CHGA: variants seen among roughly 807,000 people sequenced by gnomAD.
CHGA encodes chromogranin A.
Under a neutral mutation model 54.4 loss-of-function variants are expected in CHGA, and 41 were observed. The observed-to-expected ratio is 0.75, with a 90% CI of 0.59 to 0.98. The LOEUF is 0.98. Ranked by LOEUF, CHGA falls within the 50% of genes least tolerant of loss-of-function variation. The pLI is 0.00. For synonymous variants in CHGA, 249 were observed against 232.8 expected (o/e 1.07, Z -0.63); for missense variants, 576 against 582.3 (o/e 0.99, Z 0.11).
chr14:92,924,064 C>T (rs555793750), intron 1 of CHGA, 135 bp from the exon 2 acceptor site: 2 of 995,492 alleles, frequency 2.0e-6, no homozygotes, highest in East Asian at 2.7e-5. Context: ...ACAAAATCAG[C>T]CCTAGCCTCT....
chr14:92,934,111 A>G (rs1481280417), intron 7 of CHGA, among the ~76,000 whole-genome samples: 1 of 152,198 alleles, frequency 6.6e-6, no homozygotes, highest in Non-Finnish European at 1.5e-5. Context: ...GACCCCTCCC[A>G]GGTCAAAGGA....
In CHGA at chr14:92,932,302, A is replaced by C. The variant is rs1157928321; in HGVS notation, c.809-68A>C. On this transcript the variant is annotated intron_variant, in intron 6 of 7. Coordinates refer to ENST00000216492, the MANE Select transcript of CHGA (RefSeq NM_001275.4). The surrounding 1 kb of genome is among the most constrained non-coding windows in gnomAD (Gnocchi z 5.3). ...GTGGCCGCAGCAGAGGCCCCCAGGG[A>C]GTGGCAGAGACTGGGAAAATGGTGG... 4 of 1,491,548 alleles carry C rather than the reference A, an allele frequency of 2.7e-6. No individual in the cohort carries two copies. Among genetic ancestry groups the C allele is most frequent in the Non-Finnish European group, 2.7e-6 (3 of 1,117,758 alleles). 92.4% of individuals were successfully genotyped at this position (1,491,548 alleles called of 1,614,324 possible).
In CHGA at chr14:92,923,251, C is replaced by T; in HGVS notation, c.-109C>T. Reference sequence around the variant, plus strand: ...ACGCCGAGGCACTGCGCCCCCAGCCCCGCGCCGGTGCCACCGCAGCCCGAC... The same window carrying T: ...ACGCCGAGGCACTGCGCCCCCAGCCTCGCGCCGGTGCCACCGCAGCCCGAC... On this transcript the variant is annotated 5_prime_UTR_variant, in exon 1 of 8. Transcript: ENST00000216492. 3 of 1,051,732 alleles carry T rather than the reference C, an allele frequency of 2.9e-6. No homozygotes were observed. The highest frequency in any genetic ancestry group is 3.6e-6 in the Non-Finnish European group (3 of 827,856). The allele number at this position is 1,051,732 out of a possible 1,614,324, so 65.1% of individuals were successfully genotyped here. A position where few individuals can be genotyped will look rare whatever the true frequency, so the allele number is the denominator to read the frequency against.
At chr14:92,934,012 T>C (rs1405500528) in intron 7 of CHGA, among the ~76,000 whole-genome samples, 2 of 152,038 alleles carry the variant, frequency 1.3e-5, no homozygotes, top group Non-Finnish European at 2.9e-5. Context: ...TAAGGGGCTG[T>C]AGAGTCTATT....
At chr14:92,928,653 TTAAA>T (rs1174152618) in intron 4 of CHGA, among the ~76,000 whole-genome samples, 4 of 152,226 alleles carry the variant, frequency 2.6e-5, no homozygotes, top group Admixed American at 6.5e-5. Flanking sequence ...CTGATTACAT[TTAAA>T]TAATTAAATA....
intron 7 of CHGA, chr14:92,933,093 C>T (rs1307518817): frequency 6.0e-6 from 3 of 499,346 alleles, no homozygotes; most frequent in South Asian, 5.1e-5. Context: ...GCGGGGGAGG[C>T]GCTGAGTGGG....
intron 3 of CHGA, among the ~76,000 whole-genome samples, chr14:92,926,977 G>A (rs1238210939): frequency 6.6e-6 from 1 of 152,224 alleles, no homozygotes; most frequent in Non-Finnish European, 1.5e-5. Flanking sequence ...CCCAGACTGT[G>A]AGCTCCCTAT....
chr14:92,934,807 G>A lies in CHGA; in HGVS notation c.1297G>A (p.Glu433Lys), dbSNP rs1421367823. 3 of 1,581,806 alleles carry A rather than the reference G, an allele frequency of 1.9e-6. No homozygotes were observed. Among genetic ancestry groups the A allele is most frequent in the South Asian group, 1.2e-5 (1 of 85,546 alleles). ...ACCCCAATGTCTCTCCTAGGACCAG[G>A]AGCTGGAGAGCCTGTCGGCCATTGA... ...GSANRRPEDQ[E>K]LESLSAIEAE... is the part of the protein sequence containing the mutation. The change falls in exon 8 of 8, where the codon GAG (glutamate) becomes AAG (lysine). Residue 433 changes from glutamate to lysine, a missense_variant. Coordinates refer to ENST00000216492, the MANE Select transcript of CHGA (RefSeq NM_001275.4).
chr14:92,926,288 T>A, intron 2 of CHGA: 1 of 345,544 alleles, frequency 2.9e-6, no homozygotes, highest in Admixed American at 4.0e-5. Context: ...TTTAGAGAAA[T>A]AGCACTTGGG....
Position 92,931,578 on chromosome 14 carries a change from A to AGAG in CHGA, c.707_709dup (p.Glu236dup), listed in dbSNP as rs371215355. 3,019 of 1,610,650 alleles carry AGAG rather than the reference A, an allele frequency of 1.9e-3. 31 individuals are homozygous for AGAG. In the African/African-American group the frequency reaches 0.028, roughly 15 times the overall value. On this transcript the variant is annotated inframe_insertion, in exon 6 of 8. Coordinates refer to ENST00000216492, the MANE Select transcript of CHGA (RefSeq NM_001275.4). ...AGCCAGGGTGGCAGGCAAAGAGAGAAGAGGAGGAGGAGGAGGAGGAGGAGG... is the reference window on the plus strand; with the variant it reads ...AGCCAGGGTGGCAGGCAAAGAGAGAAGAGGAGGAGGAGGAGGAGGAGGAGGAGG...
chr14:92,928,557 T>C (rs1055233407), intron 4 of CHGA, among the ~76,000 whole-genome samples: 1 of 152,196 alleles, frequency 6.6e-6, no homozygotes, highest in Non-Finnish European at 1.5e-5. Flanking sequence ...TCAGTGACCT[T>C]GGACTAGTGT....
At chr14:92,930,135 G>T (rs1160246534) in intron 5 of CHGA, among the ~76,000 whole-genome samples, 1 of 152,236 alleles carries the variant, frequency 6.6e-6, no homozygotes, top group Non-Finnish European at 1.5e-5. Flanking sequence ...GGTCTACCCA[G>T]TGGCCACTGT....
intron 5 of CHGA, among the ~76,000 whole-genome samples, chr14:92,930,166 T>G (rs1357902755): frequency 6.6e-6 from 1 of 152,216 alleles, no homozygotes; most frequent in Non-Finnish European, 1.5e-5. Context: ...CCACCCCCAG[T>G]GCCTGTCCTC....
intron 7 of CHGA, among the ~76,000 whole-genome samples, chr14:92,933,483 G>A (rs1444104216): frequency 6.6e-6 from 1 of 152,178 alleles, no homozygotes; most frequent in Non-Finnish European, 1.5e-5. Flanking sequence ...CCCTGGGGAA[G>A]ACAAATGGGG....
Position 92,932,903 on chromosome 14 carries a change from G to A in CHGA, c.1290+52G>A, listed in dbSNP as rs750746861. On this transcript the variant is annotated intron_variant, in intron 7 of 7. Coordinates refer to ENST00000216492, the MANE Select transcript of CHGA (RefSeq NM_001275.4). This position sits in a 1 kb window ranked among gnomAD's most constrained non-coding sequence, Gnocchi z 5.3. ...GTGCCAGGCCACGGAGCAGCAGGGG[G>A]CAGCCGCACCCAGACACACTGCCCC... 3 of 1,450,556 alleles carry A rather than the reference G, an allele frequency of 2.1e-6. No individual in the cohort carries two copies. Among genetic ancestry groups the A allele is most frequent in the South Asian group, 1.5e-5 (1 of 67,622 alleles). 89.9% of individuals were successfully genotyped at this position (1,450,556 alleles called of 1,614,324 possible). A position where few individuals can be genotyped will look rare whatever the true frequency, so the allele number is the denominator to read the frequency against.
intron 3 of CHGA, among the ~76,000 whole-genome samples, chr14:92,927,019 C>T (rs1346029283): frequency 6.6e-6 from 1 of 152,186 alleles, no homozygotes; most frequent in Non-Finnish European, 1.5e-5. Flanking sequence ...TATCCCAGTG[C>T]CTAGAACAGC....
chr14:92,934,870 C>T lies in CHGA; in HGVS notation c.1360C>T (p.Leu454=), dbSNP rs761247326. 4 of 1,575,608 alleles carry T rather than the reference C, an allele frequency of 2.5e-6. No homozygotes were observed. The highest frequency in any genetic ancestry group is 3.4e-6 in the Non-Finnish European group (4 of 1,162,524). Residue 454 remains leucine (L), a synonymous_variant, in exon 8 of 8, where the codon CTA becomes TTA. Coordinates refer to ENST00000216492, the MANE Select transcript of CHGA (RefSeq NM_001275.4). ...GAAAGTGGCCCACCAGCTGCAGGCA[C>T]TACGGCGGGGCTGAGACACCGGCTG... ...LEKVAHQLQA[L]RRG
At chr14:92,924,845 A>G (rs571202261) in intron 2 of CHGA, among the ~76,000 whole-genome samples, 1 of 152,292 alleles carries the variant, frequency 6.6e-6, no homozygotes, top group East Asian at 1.9e-4. Flanking sequence ...CAAGAGACAC[A>G]CCACGCTGGG....
At chr14:92,926,448 C>T (rs1886887416) in intron 2 of CHGA, 157 bp from the exon 3 acceptor site, 1 of 636,334 alleles carries the variant, frequency 1.6e-6, no homozygotes, top group Non-Finnish European at 2.8e-6. Context: ...CACTGTCTGG[C>T]TAAGAAAGCA....
Sources: allele counts gnomAD v4.1 joint callset (sites outside exome capture counted in the v4.1 genomes callset), GRCh38; gene constraint gnomAD v4.1.1; non-coding constraint Gnocchi (gnomAD v3.1); transcripts MANE v1.5; gene names NCBI Gene and HGNC (gene_info 2026-07-23, HGNC 2026-07-21).